Variants in KCNK10 observed in about 807,000 individuals in gnomAD.
The protein encoded by KCNK10 is potassium two pore domain channel subfamily K member 10, also known as potassium channel subfamily K member 10.
In KCNK10, 25 loss-of-function variants were observed where a neutral mutation model predicts 47.7. The ratio of observed to expected loss-of-function variants is 0.52; its 90% CI spans 0.38 to 0.73. The LOEUF (loss-of-function observed/expected upper bound fraction) is 0.73, where lower values mean the gene tolerates loss of function less well. Among genes scored for constraint, KCNK10 ranks in the 30% least tolerant of loss-of-function variants. The probability of loss-of-function intolerance (pLI) is 0.00; values close to 1 mark genes in which losing one functional copy is unlikely to be tolerated. For missense variants in KCNK10, 563 were observed against 714.5 expected (o/e 0.79, Z 2.42); for synonymous variants, 303 against 285.6 (o/e 1.06, Z -0.61).
chr14:88,270,918 A>C, intron 1 of KCNK10: 5 of 724,082 alleles, frequency 6.9e-6, no homozygotes, highest in Non-Finnish European at 7.7e-6. Flanking sequence ...TTGCTCCCTG[A>C]CTCTCCCTTC....
intron 2 of KCNK10, among the ~76,000 whole-genome samples, chr14:88,251,810 G>A (rs1886806862): frequency 6.6e-6 from 1 of 152,122 alleles, no homozygotes; most frequent in South Asian, 2.1e-4. Context: ...TTTGCTAAAT[G>A]CCCTTTGGCC....
In KCNK10 at chr14:88,297,766, G is replaced by A. The variant is rs148809828; in HGVS notation, c.52+24981C>T. Among the ~76,000 whole-genome samples, 53 of 152,226 alleles carry A rather than the reference G, an allele frequency of 3.5e-4. No individual in the cohort carries two copies. The East Asian group carries it at 6.6e-3, about 19-fold the overall frequency. ...CCTATTCATTGCAGTCAGGATTGGC[G>A]CATTTCATCCCAGGTACTACAGAGA... is the stretch of plus-strand genomic sequence containing the variant. On this transcript the variant is annotated intron_variant, in intron 1 of 6. Transcript: ENST00000319231.
intron 4 of KCNK10, among the ~76,000 whole-genome samples, chr14:88,199,006 G>A (rs1163910753): frequency 2.0e-5 from 3 of 151,366 alleles, no homozygotes; most frequent in African/African-American, 4.9e-5. Context: ...TGCAACTTCC[G>A]CCTCCCAGGT....
chr14:88,253,999 GGAGA>G (rs141220872), intron 2 of KCNK10, among the ~76,000 whole-genome samples: 3 of 151,316 alleles, frequency 2.0e-5, no homozygotes, highest in African/African-American at 4.9e-5. Context: ...AGGGTGAGGG[GGAGA>G]GAGAGAGAGA....
At chr14:88,301,262 CATT>C (rs1486750693) in intron 1 of KCNK10, among the ~76,000 whole-genome samples, 1 of 152,154 alleles carries the variant, frequency 6.6e-6, no homozygotes, top group Non-Finnish European at 1.5e-5. Context: ...TTATCACTGT[CATT>C]ATCACCATCA....
intron 4 of KCNK10, among the ~76,000 whole-genome samples, chr14:88,215,043 A>C (rs947157728): frequency 3.9e-5 from 6 of 152,242 alleles, no homozygotes; most frequent in African/African-American, 1.2e-4. Flanking sequence ...GACAAGTCAC[A>C]GAACCAGTCT....
At chr14:88,228,051 A>T (rs1886041760) in intron 3 of KCNK10, among the ~76,000 whole-genome samples, 1 of 152,144 alleles carries the variant, frequency 6.6e-6, no homozygotes, top group South Asian at 2.1e-4. Flanking sequence ...GTACAGCCTT[A>T]CCCTGGGAAG....
At chr14:88,206,232 G>T (rs1422378736) in intron 4 of KCNK10, among the ~76,000 whole-genome samples, 1 of 152,198 alleles carries the variant, frequency 6.6e-6, no homozygotes, top group African/African-American at 2.4e-5. Flanking sequence ...CAACACCCTA[G>T]GAGGTGGTCT....
intron 4 of KCNK10, among the ~76,000 whole-genome samples, chr14:88,212,977 G>A (rs568856151): frequency 6.6e-6 from 1 of 152,296 alleles, no homozygotes; most frequent in African/African-American, 2.4e-5. Context: ...AGGGGAGCTG[G>A]CTCTTTGGGG....
At chr14:88,263,745 A>C (rs1002209688) in intron 1 of KCNK10, among the ~76,000 whole-genome samples, 194 bp from the exon 2 acceptor site, 1 of 151,298 alleles carries the variant, frequency 6.6e-6, no homozygotes, top group African/African-American at 2.4e-5. Context: ...AAAAATAAGC[A>C]CCAGGGGTCC....
chr14:88,239,893 A>C (rs933906267), intron 3 of KCNK10, among the ~76,000 whole-genome samples: 2 of 77,564 alleles, frequency 2.6e-5, no homozygotes, highest in African/African-American at 1.0e-4. Context: ...AAATAAAATA[A>C]AATAAAATAA....
chr14:88,302,476 G>A (rs554659955), intron 1 of KCNK10, among the ~76,000 whole-genome samples: 54 of 152,300 alleles, frequency 3.5e-4, no homozygotes, highest in African/African-American at 6.3e-4. Context: ...TTGGGAGGCC[G>A]AGGCGGGTGG....
At chr14:88,273,348 T>A (rs1887451760) in intron 1 of KCNK10, among the ~76,000 whole-genome samples, 1 of 152,166 alleles carries the variant, frequency 6.6e-6, no homozygotes, top group Non-Finnish European at 1.5e-5. Context: ...GAAGTCTCAG[T>A]GTGTGCCTGA....
chr14:88,185,544 G>T lies in KCNK10; in HGVS notation c.1623C>A (p.Asp541Glu), dbSNP rs1288825536. ...REPENNSLLE[D>E]RN ...CCAATGTCCTTCACATTTAGTTTCT[G>T]TCTTCAAGTAATGAGTTGTTCTCCG... Residue 541 changes from aspartate to glutamate, a missense_variant, in exon 7 of 7, where the codon GAC becomes GAA. Physicochemically the swap from Asp to Glu is conservative, Grantham distance 45 (BLOSUM62 2). Transcript: ENST00000319231. The surrounding 1 kb of genome is among the most constrained non-coding windows in gnomAD (Gnocchi z 4.3). The T allele has an allele frequency of 6.2e-7, 1 of 1,612,702 alleles. No individual in the cohort carries two copies. Among genetic ancestry groups the T allele is most frequent in the Non-Finnish European group, 8.5e-7 (1 of 1,178,952 alleles).
chr14:88,299,430 T>A (rs1294114217), intron 1 of KCNK10, among the ~76,000 whole-genome samples: 1 of 152,214 alleles, frequency 6.6e-6, no homozygotes, highest in African/African-American at 2.4e-5. Context: ...AAGGACTGCA[T>A]CATATGTTCA....
chr14:88,202,306 C>T (rs1182001945), intron 4 of KCNK10, among the ~76,000 whole-genome samples: 1 of 152,180 alleles, frequency 6.6e-6, no homozygotes, highest in Non-Finnish European at 1.5e-5. Flanking sequence ...AGGGCATGTC[C>T]ACGTCAGAGG....
At chr14:88,280,185 A>C (rs562322059) in intron 1 of KCNK10, among the ~76,000 whole-genome samples, 2 of 152,264 alleles carry the variant, frequency 1.3e-5, no homozygotes, top group East Asian at 3.9e-4. Flanking sequence ...TGCTACCGAC[A>C]CAGGGGACAC....
intron 4 of KCNK10, among the ~76,000 whole-genome samples, chr14:88,215,648 G>C (rs1249795828): frequency 6.6e-6 from 1 of 152,032 alleles, no homozygotes; most frequent in Non-Finnish European, 1.5e-5. Context: ...CCCTACAAAG[G>C]TTCTGGCATG....
At chr14:88,320,684 C>T (rs1595136869) in intron 1 of KCNK10, among the ~76,000 whole-genome samples, 1 of 152,208 alleles carries the variant, frequency 6.6e-6, no homozygotes. Context: ...ACGTCCTCTA[C>T]AGCTCTCTAC....
Sources: gnomAD v4.1 joint callset for allele counts (sites outside exome capture counted in the v4.1 genomes callset) on GRCh38, gnomAD v4.1.1 for gene constraint, Gnocchi (gnomAD v3.1) non-coding constraint, MANE v1.5 for transcripts, NCBI Gene and HGNC (gene_info 2026-07-23, HGNC 2026-07-21) for gene names.